CHADL: variants seen among roughly 807,000 people sequenced by gnomAD.
The protein encoded by CHADL is chondroadherin-like protein.
CHADL carries 48 observed loss-of-function variants against 52.1 expected under a neutral mutation model. That is an observed-to-expected ratio of 0.92 (90% CI 0.73 to 1.17). CHADL has a LOEUF of 1.17. CHADL is among the 50% of genes most tolerant of loss of function. CHADL has a pLI of 0.00. For missense variants in CHADL, 977 were observed against 1,035.1 expected, an observed-to-expected ratio of 0.94 and a Z score of 0.77; for synonymous variants, 498 against 511.2, an observed-to-expected ratio of 0.97 and a Z score of 0.35.
chr22:41,238,805 T>C lies in CHADL; in HGVS notation c.267A>G (p.Thr89=). Reference sequence around the variant, plus strand: ...CCTCGCAGTGGCGCAGGTCCAGGTGTGTGAGGTGAGGCACGCCCTGGAAGG... The same window carrying C: ...CCTCGCAGTGGCGCAGGTCCAGGTGCGTGAGGTGAGGCACGCCCTGGAAGG... ...AAAFQGVPHL[T]HLDLRHCEVE... The change falls in exon 3 of 6, where the codon ACA becomes ACG. Residue 89 remains threonine, a synonymous_variant. Coordinates refer to ENST00000216241, the MANE Select transcript of CHADL (RefSeq NM_138481.2). This position sits in a 1 kb window ranked among gnomAD's most constrained non-coding sequence, Gnocchi z 4.9. 1.9e-6 allele frequency: 3 copies of C among 1,549,392 alleles called. No homozygotes were observed. The highest frequency in any genetic ancestry group is 1.7e-6 in the Non-Finnish European group (2 of 1,146,490).
At position 41,238,505 on chromosome 22, in the gene CHADL, C is replaced by A. The variant is rs760575468; in HGVS notation, c.567G>T (p.Leu189=). ...CCAGCACGCTGAGCGCGTTGTGCGA[C>A]AGCCGCAGCCAGCGGACGCGCAGTA... The part of the protein sequence containing the change: ...QGLLRVRWLR[L]SHNALSVLAP... The change falls in exon 3 of 6, where the codon CTG becomes CTT. Residue 189 remains leucine, a synonymous_variant. Coordinates refer to ENST00000216241, the MANE Select transcript of CHADL (RefSeq NM_138481.2). This position sits in a 1 kb window ranked among gnomAD's most constrained non-coding sequence, Gnocchi z 4.9. 6.5e-7 allele frequency: 1 copy of A among 1,540,678 alleles called. No homozygotes were observed. The highest frequency in any genetic ancestry group is 8.7e-7 in the Non-Finnish European group (1 of 1,144,552).
intron 4 of CHADL, among the ~76,000 whole-genome samples, chr22:41,236,089 C>G (rs2032734792): frequency 6.6e-6 from 1 of 152,202 alleles, no homozygotes; most frequent in Non-Finnish European, 1.5e-5. Context: ...CCAGGCTACT[C>G]TCAAACTCCT....
chr22:41,237,384 C>G lies in CHADL; in HGVS notation c.1688G>C (p.Gly563Ala). 6.4e-7 allele frequency: 1 copy of G among 1,550,648 alleles called. No individual in the cohort carries two copies. The highest frequency in any genetic ancestry group is 8.7e-7 in the Non-Finnish European group (1 of 1,146,960). The change falls in exon 3 of 6, where the codon GGG (glycine) becomes GCG (alanine). Residue 563 changes from glycine (G) to alanine (A), a missense_variant. Physicochemically the swap from Gly to Ala is moderately conservative, Grantham distance 60. Transcript: ENST00000216241. The part of the protein sequence containing the change: ...SGNRITEVSL[G>A]ALGPARELEK... Reference sequence around the variant, plus strand: ...CAGCTCCCGAGCTGGGCCCAGCGCCCCAAGGGACACTTCGGTGATGCGGTT... The same window carrying G: ...CAGCTCCCGAGCTGGGCCCAGCGCCGCAAGGGACACTTCGGTGATGCGGTT...
In CHADL at chr22:41,238,814, A is replaced by C; in HGVS notation, c.258T>G (p.Pro86=). ...GGCGCAGGTCCAGGTGTGTGAGGTGAGGCACGCCCTGGAAGGCGGCTGCGG... is the reference window on the plus strand; with the variant it reads ...GGCGCAGGTCCAGGTGTGTGAGGTGCGGCACGCCCTGGAAGGCGGCTGCGG... ...VIPAAAFQGV[P]HLTHLDLRHC... Residue 86 remains proline, a synonymous_variant, in exon 3 of 6, where the codon CCT becomes CCG. Transcript: ENST00000216241. This position sits in a 1 kb window ranked among gnomAD's most constrained non-coding sequence, Gnocchi z 4.9. 1 of 1,549,092 alleles carries C rather than the reference A, an allele frequency of 6.5e-7. No homozygotes were observed. The highest frequency in any genetic ancestry group is 1.2e-5 in the South Asian group (1 of 84,030).
chr22:41,235,834 G>A (rs181435937), intron 4 of CHADL, among the ~76,000 whole-genome samples: 209 of 152,236 alleles, frequency 1.4e-3, no homozygotes, highest in Non-Finnish European at 1.9e-4. Flanking sequence ...CCAGAGCCAG[G>A]ACTGGAGCCC....
At chr22:41,240,536 T>C (rs1320404594) in intron 1 of CHADL, among the ~76,000 whole-genome samples, 1 of 152,198 alleles carries the variant, frequency 6.6e-6, no homozygotes, top group East Asian at 1.9e-4. Context: ...GCCCCTGCGT[T>C]GGAGTTGGTG....
At chr22:41,235,604 C>T (rs961212664) in intron 4 of CHADL, among the ~76,000 whole-genome samples, 10 of 152,260 alleles carry the variant, frequency 6.6e-5, no homozygotes, top group African/African-American at 2.4e-4. Flanking sequence ...ATGTGACCTA[C>T]AAGCCACTTC....
In CHADL at chr22:41,238,009, G is replaced by C; in HGVS notation, c.1063C>G (p.Leu355Val). 7.8e-7 allele frequency: 1 copy of C among 1,283,826 alleles called. No individual in the cohort carries two copies. Among genetic ancestry groups the C allele is most frequent in the Non-Finnish European group, 9.8e-7 (1 of 1,021,926 alleles). 79.5% of individuals were successfully genotyped at this position (1,283,826 alleles called of 1,614,324 possible). A position where few individuals can be genotyped will look rare whatever the true frequency, so the allele number is the denominator to read the frequency against. ...TGCGCCGCGTCCCCAGGGCAGCGCA[G>C]GTCCCAGGGCCGCAGGGCGTCCAGA... is the stretch of plus-strand genomic sequence containing the variant. ...EALDALRPWD[L>V]RCPGDAAQEE... Residue 355 changes from leucine to valine, a missense_variant, in exon 3 of 6, where the codon CTG becomes GTG. Physicochemically the swap from Leu to Val is conservative, Grantham distance 32 (BLOSUM62 1). Transcript: ENST00000216241. This position sits in a 1 kb window ranked among gnomAD's most constrained non-coding sequence, Gnocchi z 4.9.
chr22:41,239,499 G>A lies in CHADL; in HGVS notation c.130C>T (p.Arg44Ter), dbSNP rs1425397926. 1.0e-5 allele frequency: 16 copies of A among 1,550,430 alleles called. No individual in the cohort carries two copies. The highest frequency in any genetic ancestry group is 3.6e-5 in the South Asian group (3 of 84,006). The stretch of plus-strand genomic sequence containing the variant: ...TTCTGGTACCGGCAGGCAACGTGTC[G>A]CCTGGAGTTGTCACAGATGCAGGCC... ...PQACICDNSR[R>*]HVACRYQNLT... Residue 44 changes from arginine to a stop codon, truncating the protein, a stop_gained, in exon 2 of 6, where the codon CGA (arginine) becomes TGA (stop). Transcript: ENST00000216241. LOFTEE classifies it high-confidence loss of function.
At chr22:41,232,090 TG>T (rs1191916203) in intron 5 of CHADL, among the ~76,000 whole-genome samples, 1 of 151,958 alleles carries the variant, frequency 6.6e-6, no homozygotes, top group Non-Finnish European at 1.5e-5. Context: ...CCCAGCACTT[TG>T]GGAGGCCACG....
chr22:41,234,268 T>C (rs1332724025), intron 5 of CHADL, among the ~76,000 whole-genome samples: 1 of 152,186 alleles, frequency 6.6e-6, no homozygotes, highest in Non-Finnish European at 1.5e-5. Flanking sequence ...GAAAGGCCAC[T>C]GTCCCACAGC....
chr22:41,236,023 T>C (rs375790968), intron 4 of CHADL, among the ~76,000 whole-genome samples: 48 of 152,092 alleles, frequency 3.2e-4, no homozygotes, highest in African/African-American at 1.1e-3. Flanking sequence ...AGGCACCCAC[T>C]ACCACGCCCA....
chr22:41,236,620 G>T lies in CHADL; in HGVS notation c.1927C>A (p.Pro643Thr). The change falls in exon 4 of 6, where the codon CCC becomes ACC. Residue 643 changes from proline (P) to threonine (T), a missense_variant. Pro to Thr is a conservative substitution (Grantham distance 38). Transcript: ENST00000216241. ...TGCAGGTGCAGGCTCTGGAGCCCGG[G>T]CCCCAGGCCTGAAAAGGCCCCAGGA... ...ICPGAFSGLGPGLQSLHLQKN... is the reference protein window; with the variant it reads ...ICPGAFSGLGTGLQSLHLQKN... The T allele has an allele frequency of 6.5e-7, 1 of 1,550,230 alleles. No individual in the cohort carries two copies.
In CHADL at chr22:41,229,685, G is replaced by T. The variant is rs2032446477; in HGVS notation, c.*19C>A. 14 of 1,612,906 alleles carry T rather than the reference G, an allele frequency of 8.7e-6. No homozygotes were observed. The East Asian group carries it at 3.1e-4, about 36-fold the overall frequency. Reference sequence around the variant, plus strand: ...AGAGCCACCGGGCTGGGTCAAGGCAGGACCAGCCTGCTCCGTGCTCAGAGA... The same window carrying T: ...AGAGCCACCGGGCTGGGTCAAGGCATGACCAGCCTGCTCCGTGCTCAGAGA... On this transcript the variant is annotated 3_prime_UTR_variant, in exon 6 of 6. Coordinates refer to ENST00000216241, the MANE Select transcript of CHADL (RefSeq NM_138481.2).
At chr22:41,239,390 G>A (rs1358813786) in intron 2 of CHADL, 53 bp downstream of exon 2, 26 of 1,507,418 alleles carry the variant, frequency 1.7e-5, no homozygotes, top group Non-Finnish European at 2.2e-5. Context: ...CCTCCCTCTG[G>A]GTCCCCACCT....
chr22:41,238,970 T>G lies in CHADL; in HGVS notation c.187-85A>C, dbSNP rs1480090947. 8 of 1,433,006 alleles carry G rather than the reference T, an allele frequency of 5.6e-6. No individual in the cohort carries two copies. The East Asian group carries it at 2.0e-4, about 36-fold the overall frequency. 88.8% of individuals were successfully genotyped at this position (1,433,006 alleles called of 1,614,324 possible). A position where few individuals can be genotyped will look rare whatever the true frequency, so the allele number is the denominator to read the frequency against. On this transcript the variant is annotated intron_variant, in intron 2 of 5. Coordinates refer to ENST00000216241, the MANE Select transcript of CHADL (RefSeq NM_138481.2). The surrounding 1 kb of genome is among the most constrained non-coding windows in gnomAD (Gnocchi z 4.9). ...CTGCTTCTTCCCCGGAACACTCTTTTCTCCTGTCACCTTTCCCATATTTCT... is the reference window on the plus strand; with the variant it reads ...CTGCTTCTTCCCCGGAACACTCTTTGCTCCTGTCACCTTTCCCATATTTCT...
rs541059154 is a variant in CHADL, at chr22:41,238,861, C to G, written c.211G>C (p.Gly71Arg). Residue 71 changes from glycine (G) to arginine (R), a missense_variant, in exon 3 of 6, where the codon GGC becomes CGC. Coordinates refer to ENST00000216241, the MANE Select transcript of CHADL (RefSeq NM_138481.2). The surrounding 1 kb of genome is among the most constrained non-coding windows in gnomAD (Gnocchi z 4.9). ...GCGGGGATCACCTTCAGCAAATTGC[C>G]CTGCAGGTCCAGCCGCTGGGTCAGC... is the stretch of plus-strand genomic sequence containing the variant. ...PELTQRLDLQ[G>R]NLLKVIPAAA... The G allele has an allele frequency of 1.9e-6, 3 of 1,539,916 alleles. No homozygotes were observed. The Admixed American group carries it at 5.9e-5, about 30-fold the overall frequency.
In CHADL at chr22:41,236,472, G is replaced by C; in HGVS notation, c.2063+12C>G. The C allele has an allele frequency of 6.5e-7, 1 of 1,549,104 alleles. No homozygotes were observed. The highest frequency in any genetic ancestry group is 8.7e-7 in the Non-Finnish European group (1 of 1,145,628). ...GTGGTCTTTGGCTGGAGGTCTAGGT[G>C]GGGGTGCCCACCTGTGCAGCGGAAG... On this transcript the variant is annotated intron_variant, in intron 4 of 5. Transcript: ENST00000216241.
At chr22:41,230,603 G>A (rs1053124333) in intron 5 of CHADL, 2 of 321,828 alleles carry the variant, frequency 6.2e-6, no homozygotes, top group Admixed American at 9.4e-5. Context: ...CAGGGATGGG[G>A]CCACCACTGT....
Sources: gnomAD v4.1 joint callset for allele counts (sites outside exome capture counted in the v4.1 genomes callset) on GRCh38, gnomAD v4.1.1 for gene constraint, Gnocchi (gnomAD v3.1) non-coding constraint, MANE v1.5 for transcripts, NCBI Gene and HGNC (gene_info 2026-07-23, HGNC 2026-07-21) for gene names.